The following DNTT variants were observed in gnomAD, a reference collection of about 807,000 sequenced individuals.
DNTT encodes DNA nucleotidylexotransferase.
Under a neutral mutation model 60.9 loss-of-function variants are expected in DNTT, and 47 were observed. The ratio of observed to expected loss-of-function variants is 0.77; its 90% CI spans 0.61 to 0.98. The LOEUF is 0.98. Among genes scored for constraint, DNTT ranks in the 50% least tolerant of loss-of-function variants. DNTT has a pLI of 0.00. For missense variants in DNTT, 665 were observed against 627.5 expected, an observed-to-expected ratio of 1.06 and a Z score of -0.64; for synonymous variants, 224 against 221.2, an observed-to-expected ratio of 1.01 and a Z score of -0.11.
chr10:96,324,223 G>A, intron 5 of DNTT, 43 bp from the exon 6 acceptor site: 1 of 1,586,352 alleles, frequency 6.3e-7, no homozygotes. Context: ...ATGTTATAAT[G>A]ATTATCTTAG....
intron 10 of DNTT, among the ~76,000 whole-genome samples, chr10:96,337,565 T>C (rs1845088963): frequency 1.3e-5 from 2 of 152,260 alleles, no homozygotes; most frequent in Admixed American, 1.3e-4. Context: ...GTACCTTCTA[T>C]GTGCCTAGCA....
chr10:96,304,567 GCCT>G lies in DNTT; in HGVS notation c.75_77del (p.Ser26del). The G allele has an allele frequency of 6.2e-7, 1 of 1,614,094 alleles. No homozygotes were observed. Among genetic ancestry groups the G allele is most frequent in the Non-Finnish European group, 8.5e-7 (1 of 1,179,984 alleles). ...ACCCCGGCAGACGGGTGCCTTGATGGCCTCCTCTCCTCAAGACATCAAATTTCA... is the reference window on the plus strand; with the variant it reads ...ACCCCGGCAGACGGGTGCCTTGATGGCCTCTCCTCAAGACATCAAATTTCA... On this transcript the variant is annotated inframe_deletion, in exon 1 of 11. Transcript: ENST00000371174.
At chr10:96,305,365 C>A (rs1417068764) in intron 1 of DNTT, among the ~76,000 whole-genome samples, 1 of 152,152 alleles carries the variant, frequency 6.6e-6, no homozygotes, top group Non-Finnish European at 1.5e-5. Context: ...GCATTTGGAC[C>A]ACCTAGATTG....
At chr10:96,322,756 A>T in intron 5 of DNTT, 28 bp downstream of exon 5, 1 of 1,559,698 alleles carries the variant, frequency 6.4e-7, no homozygotes, top group Non-Finnish European at 8.8e-7. Flanking sequence ...TATTTATTGA[A>T]AATTGTTTTT....
intron 4 of DNTT, among the ~76,000 whole-genome samples, chr10:96,321,388 G>A (rs1043577782): frequency 2.0e-4 from 30 of 152,194 alleles, no homozygotes; most frequent in Non-Finnish European, 8.8e-5. Context: ...CGCATGCACA[G>A]TGCCCTCCTT....
chr10:96,325,384 T>C (rs2133991359), intron 6 of DNTT, among the ~76,000 whole-genome samples: 1 of 152,302 alleles, frequency 6.6e-6, no homozygotes, highest in Non-Finnish European at 1.5e-5. Context: ...GTTCTCAAGA[T>C]GCCATTCAAA....
chr10:96,327,592 G>C lies in DNTT; in HGVS notation c.999G>C (p.Gly333=), dbSNP rs1429516318. Reference sequence around the variant, plus strand: ...ATGCTTTCGTCACCATGACAGGAGGGTTCCGGAGGTAAATAACTTGGGTGG... The same window carrying C: ...ATGCTTTCGTCACCATGACAGGAGGCTTCCGGAGGTAAATAACTTGGGTGG... ...LPDAFVTMTG[G]FRRGKKMGHD... is the part of the protein sequence containing the mutation. The change falls in exon 7 of 11, where the codon GGG becomes GGC. Residue 333 remains glycine, a synonymous_variant. Transcript: ENST00000371174. The C allele has an allele frequency of 6.8e-6, 11 of 1,612,946 alleles. No individual in the cohort carries two copies. The highest frequency in any genetic ancestry group is 9.3e-6 in the Non-Finnish European group (11 of 1,179,592).
chr10:96,318,290 A>G (rs867197406), intron 1 of DNTT, 62 bp from the exon 2 acceptor site: 1 of 1,546,736 alleles, frequency 6.5e-7, no homozygotes, highest in Non-Finnish European at 8.8e-7. Flanking sequence ...ACCTTGAGGA[A>G]AGAGGAGAGC....
At chr10:96,308,452 G>A (rs572766012) in intron 1 of DNTT, among the ~76,000 whole-genome samples, 67 of 152,280 alleles carry the variant, frequency 4.4e-4, no homozygotes, top group African/African-American at 1.6e-3. Context: ...AAATTTTAGA[G>A]CAATTTGCCA....
intron 9 of DNTT, among the ~76,000 whole-genome samples, 197 bp from the exon 10 acceptor site, chr10:96,335,694 C>G (rs1332242857): frequency 6.6e-6 from 1 of 152,186 alleles, no homozygotes; most frequent in Non-Finnish European, 1.5e-5. Context: ...AAACCAGGTT[C>G]CTGCTCTCAC....
intron 1 of DNTT, among the ~76,000 whole-genome samples, chr10:96,310,967 T>C (rs935914122): frequency 5.6e-4 from 85 of 152,364 alleles, no homozygotes; most frequent in African/African-American, 1.7e-3. Context: ...AATTACTTTG[T>C]ATTTCAAAAT....
At chr10:96,308,979 CAG>C (rs1343714798) in intron 1 of DNTT, among the ~76,000 whole-genome samples, 2 of 152,186 alleles carry the variant, frequency 1.3e-5, no homozygotes, top group Admixed American at 6.5e-5. Flanking sequence ...GTGCAGGTCA[CAG>C]GGGATATGAT....
chr10:96,332,479 G>A lies in DNTT; in HGVS notation c.1242G>A (p.Val414=), dbSNP rs746580497. The change falls in exon 9 of 11, where the codon GTG becomes GTA. Residue 414 remains valine (V), a synonymous_variant. Coordinates refer to ENST00000371174, the MANE Select transcript of DNTT (RefSeq NM_004088.4). ...TTTTCAAATTGCCTCGTCAAAGAGT[G>A]GACAGTGACCAGTCCAGCTGGCAGG... ...FLIFKLPRQR[V]DSDQSSWQEG... 1 of 1,614,172 alleles carries A rather than the reference G, an allele frequency of 6.2e-7. No individual in the cohort carries two copies.
At position 96,320,934 on chromosome 10, in the gene DNTT, CTCTG is replaced by C. The variant is rs1844862764; in HGVS notation, c.678+150_678+153del. Reference sequence around the variant, plus strand: ...CTTTATACATATTCCTCTCTCTCTCCTCTGTCTCTCTCTCTCTCTCTCTCTCTCT... The same window carrying C: ...CTTTATACATATTCCTCTCTCTCTCCTCTCTCTCTCTCTCTCTCTCTCTCT... On this transcript the variant is annotated intron_variant, in intron 4 of 10. Coordinates refer to ENST00000371174, the MANE Select transcript of DNTT (RefSeq NM_004088.4). 85 of 562,186 alleles carry C rather than the reference CTCTG, an allele frequency of 1.5e-4. 1 individual carries two copies. In the South Asian group the frequency reaches 2.1e-3, roughly 14 times the overall value. The allele number at this position is 562,186 out of a possible 1,614,324, so 34.8% of individuals were successfully genotyped here. A position where few individuals can be genotyped will look rare whatever the true frequency, so the allele number is the denominator to read the frequency against.
intron 9 of DNTT, among the ~76,000 whole-genome samples, chr10:96,333,603 T>C (rs1231167844): frequency 6.6e-6 from 1 of 152,222 alleles, no homozygotes; most frequent in Non-Finnish European, 1.5e-5. Context: ...TTTTAAAATG[T>C]AGTATATGCA....
intron 8 of DNTT, among the ~76,000 whole-genome samples, chr10:96,331,252 C>G (rs189234228): frequency 6.6e-6 from 1 of 152,196 alleles, no homozygotes; most frequent in African/African-American, 2.4e-5. Context: ...CCAGCCACAA[C>G]GCTTTTGGCT....
intron 1 of DNTT, among the ~76,000 whole-genome samples, chr10:96,312,381 CTG>C (rs1190369335): frequency 1.3e-5 from 2 of 152,156 alleles, no homozygotes; most frequent in African/African-American, 4.8e-5. Flanking sequence ...GGAAATGAGA[CTG>C]TGTGACTTTC....
At chr10:96,306,884 A>G (rs1453152250) in intron 1 of DNTT, among the ~76,000 whole-genome samples, 2 of 152,262 alleles carry the variant, frequency 1.3e-5, no homozygotes, top group African/African-American at 4.8e-5. Context: ...ATTTCTGTGC[A>G]TAGATATATA....
Position 96,310,159 on chromosome 10 carries a change from C to T in DNTT, c.203+5459C>T, listed in dbSNP as rs562131522. ...TACCCCTCAGGGGCACACCCTTCCC[C>T]TAGCAGCACATCCCAGTTTTTTAAA... is the stretch of plus-strand genomic sequence containing the variant. On this transcript the variant is annotated intron_variant, in intron 1 of 10. Coordinates refer to ENST00000371174, the MANE Select transcript of DNTT (RefSeq NM_004088.4). 2.6e-5 allele frequency among the ~76,000 whole-genome samples: 4 copies of T among 152,340 alleles called. No individual in the cohort carries two copies. The East Asian group carries it at 7.7e-4, about 29-fold the overall frequency.
Sources: allele counts gnomAD v4.1 joint callset (sites outside exome capture counted in the v4.1 genomes callset), GRCh38; gene constraint gnomAD v4.1.1; transcripts MANE v1.5; gene names NCBI Gene and HGNC (gene_info 2026-07-23, HGNC 2026-07-21).